Variants in WDR49 observed in about 807,000 individuals in gnomAD.
WDR49 encodes WD repeat domain 49.
WDR49 carries 107 observed loss-of-function variants against 119.5 expected under a neutral mutation model. The ratio of observed to expected loss-of-function variants is 0.90; its 90% CI spans 0.77 to 1.05. The LOEUF (loss-of-function observed/expected upper bound fraction) is 1.05, where lower values mean the gene tolerates loss of function less well. Among genes scored for constraint, WDR49 ranks in the 50% least tolerant of loss-of-function variants. The probability of loss-of-function intolerance (pLI) is 0.00; values close to 1 mark genes in which losing one functional copy is unlikely to be tolerated. For synonymous variants in WDR49, 425 were observed against 418.8 expected, an observed-to-expected ratio of 1.01 and a Z score of -0.18; for missense variants, 1,240 against 1,220.5, an observed-to-expected ratio of 1.02 and a Z score of -0.24.
rs1212476882 is a variant in WDR49 at position 167,522,327 on chromosome 3, T to C, written c.2762A>G (p.Asp921Gly). Residue 921 changes from aspartate to glycine, a missense_variant, in exon 16 of 19, where the codon GAC becomes GGC. Asp to Gly is a moderately conservative substitution (Grantham distance 94, BLOSUM62 -1). Transcript: ENST00000682715. Reference protein sequence around the residue: ...HSLLNKKNKDDSTYNVRPSED... With the variant: ...HSLLNKKNKDGSTYNVRPSED... ...CAAAATTACTTACTTGTATGTTGAG[T>C]CATCTTTGTTTTTCTTATTAAGTAG... 2.5e-6 allele frequency: 4 copies of C among 1,585,450 alleles called. No homozygotes were observed. Among genetic ancestry groups the C allele is most frequent in the African/African-American group, 1.4e-5 (1 of 73,074 alleles).
chr3:167,608,667 TC>T (rs1716180298), intron 5 of WDR49, among the ~76,000 whole-genome samples: 1 of 152,210 alleles, frequency 6.6e-6, no homozygotes, highest in Non-Finnish European at 1.5e-5. Context: ...AAAATGTTTT[TC>T]TCATTTCTTG....
chr3:167,605,046 G>A (rs78767422), intron 5 of WDR49, among the ~76,000 whole-genome samples: 8,719 of 148,868 alleles, frequency 0.059, 685 homozygotes, highest in African/African-American at 0.18. Flanking sequence ...GTGTGTGTGT[G>A]TACATATACA....
At chr3:167,575,306 A>G in intron 8 of WDR49, 19 of 986,526 alleles carry the variant, frequency 1.9e-5, no homozygotes, top group Non-Finnish European at 2.2e-5. Flanking sequence ...CTGCGCAGTA[A>G]CTCTGCTCCA....
chr3:167,636,192 A>G (rs1346006637), intron 2 of WDR49, among the ~76,000 whole-genome samples: 1 of 151,576 alleles, frequency 6.6e-6, no homozygotes, highest in Non-Finnish European at 1.5e-5. Flanking sequence ...CTTAGCTTCC[A>G]CTTATGAGTG....
chr3:167,508,631 T>C (rs1343842059), intron 16 of WDR49, among the ~76,000 whole-genome samples: 12 of 152,170 alleles, frequency 7.9e-5, no homozygotes, highest in Non-Finnish European at 1.5e-5. Flanking sequence ...TTCAGAACTA[T>C]CAGAATGATC....
chr3:167,504,168 G>C (rs909783291), intron 17 of WDR49, among the ~76,000 whole-genome samples: 1 of 152,162 alleles, frequency 6.6e-6, no homozygotes, highest in Non-Finnish European at 1.5e-5. Flanking sequence ...GTGGAGCTCT[G>C]TAAAGAGGGC....
At chr3:167,594,644 C>A (rs953596910) in intron 7 of WDR49, among the ~76,000 whole-genome samples, 7 of 152,028 alleles carry the variant, frequency 4.6e-5, no homozygotes, top group Non-Finnish European at 8.8e-5. Context: ...AAAGCAAAAC[C>A]CGGCCTTTGA....
chr3:167,573,429 C>A (rs1344742448), intron 8 of WDR49, among the ~76,000 whole-genome samples: 2 of 145,576 alleles, frequency 1.4e-5, no homozygotes, highest in South Asian at 4.3e-4. Flanking sequence ...CACACACACA[C>A]AACACAAATA....
At position 167,505,539 on chromosome 3, in the gene WDR49, A is replaced by G. The variant is rs1019571291; in HGVS notation, c.2775-123T>C. 3 of 1,275,928 alleles carry G rather than the reference A, an allele frequency of 2.4e-6. No individual in the cohort carries two copies. The South Asian group carries it at 5.6e-5, about 24-fold the overall frequency. The allele number at this position is 1,275,928 out of a possible 1,614,324, so 79.0% of individuals were successfully genotyped here. On this transcript the variant is annotated intron_variant, in intron 16 of 18. Transcript: ENST00000682715. ...AAAAACAAAAAATCTATTCCTGTGA[A>G]CCGAAGTAGTGATATTTGTTTATAC...
chr3:167,625,313 G>C lies in WDR49; in HGVS notation c.606+1539C>G, dbSNP rs184409162. 8.4e-4 allele frequency among the ~76,000 whole-genome samples: 127 copies of C among 151,840 alleles called. 1 individual carries two copies. The highest frequency in any genetic ancestry group is 2.5e-3 in the South Asian group (12 of 4,810). On this transcript the variant is annotated intron_variant, in intron 3 of 18. Coordinates refer to ENST00000682715, the MANE Select transcript of WDR49 (RefSeq NM_001366157.1). ...GCATTGTTCCCACTCTCTAAAGAGG[G>C]TACAATTTTTGGTATGGGATAACAA...
chr3:167,626,942 C>A lies in WDR49; in HGVS notation c.516G>T (p.Lys172Asn). ...AAGTGATGGGGAATGTTTCTTGCAG[C>A]TTTAAATGCTCTCCCCAGATTGCCA... The part of the protein sequence containing the change: ...GLLAIWGEHL[K>N]LQETFPITSD... Residue 172 changes from lysine (K) to asparagine (N), a missense_variant, in exon 3 of 19, where the codon AAG becomes AAT. Transcript: ENST00000682715. The A allele has an allele frequency of 7.6e-7, 1 of 1,318,720 alleles. No homozygotes were observed. The highest frequency in any genetic ancestry group is 9.7e-7 in the Non-Finnish European group (1 of 1,035,058). The allele number at this position is 1,318,720 out of a possible 1,614,324, so 81.7% of individuals were successfully genotyped here.
chr3:167,548,388 T>A lies in WDR49; in HGVS notation c.1823+6262A>T, dbSNP rs193203603. 2.1e-3 allele frequency among the ~76,000 whole-genome samples: 321 copies of A among 152,160 alleles called. 2 individuals carry two copies. Among genetic ancestry groups the A allele is most frequent in the African/African-American group, 7.6e-3 (316 of 41,536 alleles). ...CATGTTAGTTAAAAACATCTCTGCC[T>A]ACATTTATGGTTTGACTTAAAATGA... On this transcript the variant is annotated intron_variant, in intron 10 of 18. Coordinates refer to ENST00000682715, the MANE Select transcript of WDR49 (RefSeq NM_001366157.1).
intron 7 of WDR49, among the ~76,000 whole-genome samples, chr3:167,578,966 A>G (rs1455012588): frequency 6.6e-6 from 1 of 152,086 alleles, no homozygotes; most frequent in Non-Finnish European, 1.5e-5. Context: ...ATCATTTTGA[A>G]TCCTAATTTC....
intron 2 of WDR49, among the ~76,000 whole-genome samples, chr3:167,631,072 C>T (rs1294415623): frequency 6.6e-6 from 1 of 151,592 alleles, no homozygotes; most frequent in Non-Finnish European, 1.5e-5. Flanking sequence ...ACAATGAGAT[C>T]ACTTGGACAC....
At chr3:167,506,109 G>A (rs9842976) in intron 16 of WDR49, among the ~76,000 whole-genome samples, 41,372 of 152,016 alleles carry the variant, frequency 0.27, 6,020 homozygotes, top group East Asian at 0.36. Context: ...CACATCCATC[G>A]TCTCAAAATC....
At chr3:167,519,991 T>G (rs897020674) in intron 16 of WDR49, among the ~76,000 whole-genome samples, 1 of 152,016 alleles carries the variant, frequency 6.6e-6, no homozygotes, top group Non-Finnish European at 1.5e-5. Context: ...CCCAGCACTT[T>G]GGGAGGGTGA....
intron 5 of WDR49, among the ~76,000 whole-genome samples, chr3:167,615,641 G>T (rs956147007): frequency 1.3e-5 from 2 of 151,398 alleles, no homozygotes; most frequent in Non-Finnish European, 2.9e-5. Flanking sequence ...GAAACTAATA[G>T]GAATTATTAA....
intron 2 of WDR49, among the ~76,000 whole-genome samples, chr3:167,648,675 C>T (rs767115765): frequency 6.6e-6 from 1 of 152,102 alleles, no homozygotes. Context: ...CTTGAAGTTA[C>T]CTGTAGCCAT....
intron 2 of WDR49, among the ~76,000 whole-genome samples, chr3:167,634,899 C>T (rs1392054438): frequency 8.6e-5 from 13 of 151,786 alleles, no homozygotes; most frequent in Non-Finnish European, 1.9e-4. Context: ...CAGAAACGAC[C>T]AGTTATTATT....
Sources: allele counts gnomAD v4.1 joint callset (sites outside exome capture counted in the v4.1 genomes callset), GRCh38; gene constraint gnomAD v4.1.1; transcripts MANE v1.5; gene names NCBI Gene and HGNC (gene_info 2026-07-23, HGNC 2026-07-21).